Variants in CC2D2B observed in about 807,000 individuals in gnomAD.
CC2D2B encodes coiled-coil and C2 domain containing 2B.
CC2D2B carries 128 observed loss-of-function variants against 161.2 expected under a neutral mutation model. The observed-to-expected ratio is 0.79, with a 90% CI of 0.69 to 0.92. CC2D2B has a LOEUF of 0.92. Among genes scored for constraint, CC2D2B ranks in the 40% least tolerant of loss-of-function variants. The probability of loss-of-function intolerance (pLI) is 0.00; values close to 1 mark genes in which losing one functional copy is unlikely to be tolerated. For missense variants in CC2D2B, 1,173 were observed against 1,375.1 expected (o/e 0.85, Z 2.32); for synonymous variants, 391 against 449.8 (o/e 0.87, Z 1.65).
intron 34 of CC2D2B, 71 bp from the exon 35 acceptor site, chr10:96,031,749 T>A (rs2080075432): frequency 7.5e-7 from 1 of 1,324,926 alleles, no homozygotes; most frequent in South Asian, 1.3e-5. Context: ...TTTTGTGATC[T>A]TTTTGCATAC....
At chr10:95,942,949 T>C (rs2076071981) in intron 9 of CC2D2B, among the ~76,000 whole-genome samples, 1 of 152,180 alleles carries the variant, frequency 6.6e-6, no homozygotes, top group Non-Finnish European at 1.5e-5. Flanking sequence ...TTGTGTTGTG[T>C]TAAAATATAT....
intron 2 of CC2D2B, chr10:95,913,383 T>C: frequency 2.5e-6 from 1 of 393,718 alleles, no homozygotes; most frequent in East Asian, 9.1e-5. Context: ...GACACTTAGG[T>C]TGCTTCCAAA....
chr10:96,029,241 CATATATATAT>C (rs56195141), intron 34 of CC2D2B, among the ~76,000 whole-genome samples: 2,353 of 67,052 alleles, frequency 0.035, 64 homozygotes, highest in East Asian at 0.16. Flanking sequence ...TTTCATGTAC[CATATATATAT>C]ATATATATAT....
Position 95,993,798 on chromosome 10 carries a change from G to T in CC2D2B, c.2642+1101G>T, listed in dbSNP as rs138563844. On this transcript the variant is annotated intron_variant, in intron 22 of 34. Coordinates refer to ENST00000646931, the MANE Select transcript of CC2D2B (RefSeq NM_001349008.3). ...TATATATAGAGTATATATATATAGAGAGAGAGAATATATATAGAGTGTATA... is the reference window on the plus strand; with the variant it reads ...TATATATAGAGTATATATATATAGATAGAGAGAATATATATAGAGTGTATA... 8.6e-3 allele frequency among the ~76,000 whole-genome samples: 1,213 copies of T among 140,232 alleles called. 13 individuals are homozygous for T. The highest frequency in any genetic ancestry group is 0.032 in the East Asian group (114 of 3,586). The allele number at this position is 140,232 out of a possible 152,430, so 92.0% of individuals were successfully genotyped here.
Position 95,924,815 on chromosome 10 carries a change from A to G in CC2D2B, c.211A>G (p.Ile71Val), listed in dbSNP as rs909447711. 45 of 1,547,746 alleles carry G rather than the reference A, an allele frequency of 2.9e-5. No homozygotes were observed. Among genetic ancestry groups the G allele is most frequent in the Admixed American group, 7.9e-5 (4 of 50,928 alleles). The change falls in exon 5 of 35, where the codon ATT becomes GTT. Residue 71 changes from isoleucine to valine, a missense_variant. Around this residue, in one of 3 missense-constraint regions of CC2D2B, gnomAD observed 298 missense variants for 261.2 expected, o/e 1.14. Transcript: ENST00000646931. ...KGEKSSTEQL[I>V]DSEIHQRSKL... ...TGAAAAATCTTCAACTGAGCAGCTC[A>G]TTGATAGCGAAATACATCAAAGGTC... is the stretch of plus-strand genomic sequence containing the variant.
At chr10:95,927,768 A>C (rs1382498933) in intron 6 of CC2D2B, among the ~76,000 whole-genome samples, 1 of 143,484 alleles carries the variant, frequency 7.0e-6, no homozygotes, top group East Asian at 2.0e-4. Context: ...AATCTCCACT[A>C]CTCCTCATGG....
intron 9 of CC2D2B, among the ~76,000 whole-genome samples, chr10:95,949,658 A>G (rs956797790): frequency 1.2e-5 from 1 of 82,140 alleles, no homozygotes; most frequent in Non-Finnish European, 2.3e-5. Context: ...AGAGTATAAT[A>G]AAAAAAAAAA....
intron 34 of CC2D2B, among the ~76,000 whole-genome samples, chr10:96,028,237 T>C (rs113190287): frequency 7.2e-5 from 11 of 152,158 alleles, no homozygotes; most frequent in African/African-American, 2.4e-4. Context: ...TGACAAGGGA[T>C]TAATAACCAG....
chr10:95,987,368 A>G (rs1261258671), intron 19 of CC2D2B, among the ~76,000 whole-genome samples: 3 of 152,146 alleles, frequency 2.0e-5, no homozygotes, highest in Non-Finnish European at 2.9e-5. Context: ...GCAATATAAT[A>G]TTTTGTTAAA....
intron 33 of CC2D2B, among the ~76,000 whole-genome samples, chr10:96,025,185 A>ATATATATATAT (rs1491443122): frequency 3.1e-4 from 5 of 16,276 alleles, no homozygotes; most frequent in Non-Finnish European, 6.3e-4. Flanking sequence ...ATATATATAT[A>ATATATATATAT]AAAAAAAATA....
intron 17 of CC2D2B, among the ~76,000 whole-genome samples, chr10:95,975,180 ATAT>A (rs1470333932): frequency 2.0e-5 from 3 of 152,238 alleles, no homozygotes; most frequent in African/African-American, 7.2e-5. Context: ...TGTTTTAAAA[ATAT>A]TATAGTTTTG....
chr10:95,926,522 ATTATC>A (rs1236028163), intron 5 of CC2D2B, among the ~76,000 whole-genome samples: 2 of 151,368 alleles, frequency 1.3e-5, no homozygotes, highest in South Asian at 2.1e-4. Context: ...ATTTTATAAA[ATTATC>A]TTATATAAAG....
Position 96,032,387 on chromosome 10 carries a change from T to G in CC2D2B, c.*379T>G. 5.1e-6 allele frequency: 1 copy of G among 197,770 alleles called. No homozygotes were observed. The highest frequency in any genetic ancestry group is 1.2e-4 in the East Asian group (1 of 8,632). 12.3% of individuals were successfully genotyped at this position (197,770 alleles called of 1,614,324 possible). A position where few individuals can be genotyped will look rare whatever the true frequency, so the allele number is the denominator to read the frequency against. ...ATCATCTGGAGAGCCTTGTTGAAAA[T>G]GCAGATTACTAGATCCTCCTCAAGA... is the stretch of plus-strand genomic sequence containing the variant. On this transcript the variant is annotated 3_prime_UTR_variant, in exon 35 of 35. Transcript: ENST00000646931.
At chr10:95,912,112 C>G (rs2098507440) in intron 2 of CC2D2B, among the ~76,000 whole-genome samples, 1 of 152,136 alleles carries the variant, frequency 6.6e-6, no homozygotes, top group Non-Finnish European at 1.5e-5. Flanking sequence ...GTTTTTGACA[C>G]AAATTCATGT....
intron 22 of CC2D2B, among the ~76,000 whole-genome samples, chr10:95,993,870 A>T (rs1402121319): frequency 2.0e-4 from 19 of 95,962 alleles, no homozygotes; most frequent in African/African-American, 3.7e-4. Context: ...AGAGAGAGAG[A>T]GTGTATATAT....
chr10:96,032,902 G>C lies in CC2D2B; in HGVS notation c.*894G>C, dbSNP rs373539006. 4.2e-5 allele frequency: 17 copies of C among 409,310 alleles called. No individual in the cohort carries two copies. Among genetic ancestry groups the C allele is most frequent in the African/African-American group, 1.5e-4 (7 of 47,922 alleles). The allele number at this position is 409,310 out of a possible 1,614,324, so 25.4% of individuals were successfully genotyped here. A position where few individuals can be genotyped will look rare whatever the true frequency, so the allele number is the denominator to read the frequency against. On this transcript the variant is annotated 3_prime_UTR_variant, in exon 35 of 35. Coordinates refer to ENST00000646931, the MANE Select transcript of CC2D2B (RefSeq NM_001349008.3). Reference sequence around the variant, plus strand: ...CACTTTTTGCTGCTTTTCTTTCTTAGTAGTGGCTTATCTAGATCCTAAGAG... The same window carrying C: ...CACTTTTTGCTGCTTTTCTTTCTTACTAGTGGCTTATCTAGATCCTAAGAG...
At chr10:95,929,231 C>A (rs931924196) in intron 6 of CC2D2B, among the ~76,000 whole-genome samples, 5 of 152,078 alleles carry the variant, frequency 3.3e-5, no homozygotes, top group Non-Finnish European at 7.4e-5. Context: ...ATCCTTCGCT[C>A]ACTTTTTGAT....
In CC2D2B at chr10:95,972,111, A is replaced by G. The variant is rs2077157504; in HGVS notation, c.1690A>G (p.Ile564Val). ...KRTSLLAKLYIPLPNYTELKG... is the reference protein window; with the variant it reads ...KRTSLLAKLYVPLPNYTELKG... Reference sequence around the variant, plus strand: ...GACAAGCTTACTGGCAAAACTATATATACCTTTACCTAACTACACAGAGCT... The same window carrying G: ...GACAAGCTTACTGGCAAAACTATATGTACCTTTACCTAACTACACAGAGCT... The change falls in exon 16 of 35, where the codon ATA becomes GTA. Residue 564 changes from isoleucine to valine, a missense_variant. Physicochemically the swap from Ile to Val is conservative, Grantham distance 29. Around this residue, in one of 3 missense-constraint regions of CC2D2B, gnomAD observed 277 missense variants for 420.6 expected, o/e 0.66. Coordinates refer to ENST00000646931, the MANE Select transcript of CC2D2B (RefSeq NM_001349008.3). The G allele has an allele frequency of 6.5e-6, 8 of 1,230,764 alleles. No individual in the cohort carries two copies. Among genetic ancestry groups the G allele is most frequent in the Non-Finnish European group, 8.1e-6 (8 of 986,708 alleles). 76.2% of individuals were successfully genotyped at this position (1,230,764 alleles called of 1,614,324 possible). A position where few individuals can be genotyped will look rare whatever the true frequency, so the allele number is the denominator to read the frequency against.
At chr10:95,924,413 GT>G in intron 4 of CC2D2B, 23 bp downstream of exon 4, 1 of 1,333,912 alleles carries the variant, frequency 7.5e-7, no homozygotes, top group Non-Finnish European at 1.0e-6. Flanking sequence ...AAAATTTCCT[GT>G]TTTCAAATTT....
Sources: allele counts gnomAD v4.1 joint callset (sites outside exome capture counted in the v4.1 genomes callset), GRCh38; gene constraint gnomAD v4.1.1; regional missense constraint gnomAD v4.1.1; transcripts MANE v1.5; gene names NCBI Gene and HGNC (gene_info 2026-07-23, HGNC 2026-07-21).